KIAA1328: variants seen among roughly 807,000 people sequenced by gnomAD.
KIAA1328 encodes the protein protein hinderin.
In KIAA1328, 52 loss-of-function variants were observed where a neutral mutation model predicts 68.1. That is an observed-to-expected ratio of 0.76 (90% CI 0.61 to 0.96). The LOEUF (loss-of-function observed/expected upper bound fraction) is 0.96. Among genes scored for constraint, KIAA1328 ranks in the 40% least tolerant of loss-of-function variants. The probability of loss-of-function intolerance (pLI) is 0.00; values close to 1 mark genes in which losing one functional copy is unlikely to be tolerated. For missense variants in KIAA1328, 641 were observed against 677.6 expected (o/e 0.95, Z 0.60); for synonymous variants, 232 against 239.4 (o/e 0.97, Z 0.28).
intron 6 of KIAA1328, among the ~76,000 whole-genome samples, chr18:37,054,013 C>T (rs564245704): frequency 5.9e-4 from 89 of 151,038 alleles, no homozygotes; most frequent in Admixed American, 1.1e-3. Context: ...ACAGACACTT[C>T]ACAAAAGAAG....
chr18:36,884,660 G>A (rs1465258323), intron 4 of KIAA1328, among the ~76,000 whole-genome samples: 3 of 152,118 alleles, frequency 2.0e-5, no homozygotes, highest in Non-Finnish European at 4.4e-5. Flanking sequence ...ATTCCCTGTG[G>A]GTTTCACTTA....
At chr18:36,929,335 A>C (rs986311732) in intron 5 of KIAA1328, among the ~76,000 whole-genome samples, 1 of 152,224 alleles carries the variant, frequency 6.6e-6, no homozygotes, top group Non-Finnish European at 1.5e-5. Context: ...ATTTATGCTC[A>C]GAAATGGGCA....
intron 7 of KIAA1328, among the ~76,000 whole-genome samples, chr18:37,116,574 G>A (rs529290040): frequency 5.1e-4 from 77 of 152,260 alleles, no homozygotes; most frequent in Non-Finnish European, 9.3e-4. Flanking sequence ...GAAAACCTAG[G>A]CAATACCATT....
intron 7 of KIAA1328, among the ~76,000 whole-genome samples, chr18:37,100,756 TG>T (rs1048052882): frequency 6.6e-6 from 1 of 152,134 alleles, no homozygotes; most frequent in Non-Finnish European, 1.5e-5. Flanking sequence ...GTAGCCTAAC[TG>T]GGAGGCACCC....
chr18:36,935,928 C>T (rs1040587196), intron 5 of KIAA1328, among the ~76,000 whole-genome samples: 12 of 152,094 alleles, frequency 7.9e-5, no homozygotes, highest in South Asian at 6.2e-4. Context: ...AGTCCTATCA[C>T]GACAACTGTT....
At chr18:37,206,963 T>C (rs1013036155) in intron 9 of KIAA1328, among the ~76,000 whole-genome samples, 2 of 152,204 alleles carry the variant, frequency 1.3e-5, no homozygotes, top group Non-Finnish European at 2.9e-5. Context: ...AGCTACATTT[T>C]TAGAAAAGAC....
intron 5 of KIAA1328, among the ~76,000 whole-genome samples, chr18:36,945,049 T>C (rs2050849853): frequency 1.3e-5 from 2 of 152,224 alleles, no homozygotes; most frequent in Non-Finnish European, 2.9e-5. Context: ...TGAATGCTTA[T>C]GGACAGTAGC....
intron 5 of KIAA1328, among the ~76,000 whole-genome samples, chr18:36,913,931 G>C (rs2049577348): frequency 6.6e-6 from 1 of 151,960 alleles, no homozygotes; most frequent in African/African-American, 2.4e-5. Flanking sequence ...TTTATCTTTT[G>C]GAATTTTTTG....
intron 6 of KIAA1328, among the ~76,000 whole-genome samples, chr18:37,022,197 C>T (rs2054374773): frequency 1.3e-5 from 2 of 152,198 alleles, no homozygotes; most frequent in South Asian, 4.1e-4. Context: ...CGGCTGTTAA[C>T]GCTCAGGAAC....
intron 5 of KIAA1328, among the ~76,000 whole-genome samples, chr18:36,926,008 A>G (rs1276810380): frequency 1.4e-5 from 2 of 143,806 alleles, no homozygotes; most frequent in Admixed American, 6.9e-5. Context: ...TTTTCTTAGT[A>G]TTGTTTTGTT....
intron 9 of KIAA1328, among the ~76,000 whole-genome samples, chr18:37,200,954 T>C (rs189701304): frequency 1.0e-3 from 153 of 152,262 alleles, no homozygotes; most frequent in Non-Finnish European, 1.5e-3. Context: ...TGTCAAAATA[T>C]TAGTATCAAG....
intron 6 of KIAA1328, among the ~76,000 whole-genome samples, chr18:37,040,019 C>T (rs928166925): frequency 1.3e-5 from 2 of 152,152 alleles, no homozygotes; most frequent in Admixed American, 6.6e-5. Flanking sequence ...AGAGGCTGCA[C>T]ACATTTCTCT....
intron 7 of KIAA1328, among the ~76,000 whole-genome samples, chr18:37,076,993 C>T (rs1187039367): frequency 6.6e-6 from 1 of 152,138 alleles, no homozygotes; most frequent in Non-Finnish European, 1.5e-5. Context: ...ATGAGGCCAG[C>T]ATCACCCTGA....
At chr18:37,047,862 A>T (rs1299186920) in intron 6 of KIAA1328, among the ~76,000 whole-genome samples, 1 of 152,130 alleles carries the variant, frequency 6.6e-6, no homozygotes, top group African/African-American at 2.4e-5. Flanking sequence ...ATACTTTCAG[A>T]TCCCCATCCT....
At chr18:36,948,666 C>A (rs1473887735) in intron 5 of KIAA1328, among the ~76,000 whole-genome samples, 1 of 151,842 alleles carries the variant, frequency 6.6e-6, no homozygotes, top group African/African-American at 2.4e-5. Flanking sequence ...TCTCCTGCCT[C>A]AGCCTCTTGA....
chr18:37,221,935 G>T (rs1012934315), intron 9 of KIAA1328, 82 bp from the exon 10 acceptor site: 23 of 1,345,364 alleles, frequency 1.7e-5, no homozygotes, highest in Admixed American at 2.0e-5. Flanking sequence ...TCTTGCCCTG[G>T]ACAGCCCATT....
chr18:37,035,094 A>G (rs767399189), intron 6 of KIAA1328, among the ~76,000 whole-genome samples: 8 of 152,218 alleles, frequency 5.3e-5, no homozygotes, highest in African/African-American at 9.6e-5. Flanking sequence ...ATAGATATGT[A>G]GATATAGACC....
chr18:37,167,748 G>T (rs2059419846), intron 8 of KIAA1328, among the ~76,000 whole-genome samples: 1 of 152,064 alleles, frequency 6.6e-6, no homozygotes, highest in South Asian at 2.1e-4. Context: ...GCAGGCCAGG[G>T]TGGTCTTGGA....
At chr18:36,871,515 GTTAT>G (rs917774921) in intron 4 of KIAA1328, among the ~76,000 whole-genome samples, 1 of 151,828 alleles carries the variant, frequency 6.6e-6, no homozygotes, top group African/African-American at 2.4e-5. Context: ...ATCTAATATT[GTTAT>G]TTATTTTGTT....
Sources: allele counts gnomAD v4.1 joint callset (sites outside exome capture counted in the v4.1 genomes callset), GRCh38; gene constraint gnomAD v4.1.1; transcripts MANE v1.5; gene names NCBI Gene and HGNC (gene_info 2026-07-23, HGNC 2026-07-21).